The following CBFA2T2 variants were observed in gnomAD, a reference collection of about 807,000 sequenced individuals.
CBFA2T2 encodes CBFA2/RUNX1 partner transcriptional co-repressor 2.
Under a neutral mutation model 62.2 loss-of-function variants are expected in CBFA2T2, and 11 were observed. That is an observed-to-expected ratio of 0.18 (90% CI 0.11 to 0.29). The LOEUF (loss-of-function observed/expected upper bound fraction) is 0.29, where lower values mean the gene tolerates loss of function less well. CBFA2T2 is among the 10% of genes least tolerant of loss of function. The probability of loss-of-function intolerance (pLI) is 1.00; values close to 1 mark genes in which losing one functional copy is unlikely to be tolerated. For synonymous variants in CBFA2T2, 295 were observed against 287.5 expected (o/e 1.03, Z -0.27); for missense variants, 592 against 774.1 (o/e 0.76, Z 2.79).
rs1272822694 is a variant in CBFA2T2 at position 33,624,956 on chromosome 20, G to A, written c.885G>A (p.Leu295=). The change falls in exon 6 of 11, where the codon CTG becomes CTA. Residue 295 remains leucine, a synonymous_variant. Coordinates refer to ENST00000342704, the MANE Select transcript of CBFA2T2 (RefSeq NM_001032999.3). ...YTLEDIATSH[L]YREPNKMLEH... is the part of the protein sequence containing the mutation. ...TAGAGGATATTGCAACTTCTCACCT[G>A]TATCGGGAACCCAACAAGATGCTAG... 2 of 1,614,120 alleles carry A rather than the reference G, an allele frequency of 1.2e-6. No individual in the cohort carries two copies. Among genetic ancestry groups the A allele is most frequent in the African/African-American group, 1.3e-5 (1 of 75,020 alleles).
chr20:33,603,767 G>T (rs1420299653), intron 1 of CBFA2T2, among the ~76,000 whole-genome samples: 1 of 152,114 alleles, frequency 6.6e-6, no homozygotes, highest in Non-Finnish European at 1.5e-5. Context: ...TCAATATATG[G>T]TTGATTCTTT....
chr20:33,591,467 CAAAA>C (rs11475752), intron 1 of CBFA2T2, among the ~76,000 whole-genome samples: 1 of 98,076 alleles, frequency 1.0e-5, no homozygotes, highest in Admixed American at 1.0e-4. Context: ...GAGTAAATCT[CAAAA>C]AAAAAAAAAA....
intron 1 of CBFA2T2, among the ~76,000 whole-genome samples, chr20:33,596,314 G>C (rs1354662854): frequency 6.6e-6 from 1 of 152,076 alleles, no homozygotes; most frequent in Non-Finnish European, 1.5e-5. Flanking sequence ...TAATATACTT[G>C]TTCTCACCTT....
chr20:33,632,737 G>A (rs1008689472), intron 8 of CBFA2T2, among the ~76,000 whole-genome samples: 8 of 149,668 alleles, frequency 5.3e-5, no homozygotes, highest in African/African-American at 1.2e-4. Context: ...ATGAGCCACC[G>A]TGCCCGGCCT....
chr20:33,594,393 T>C (rs2014797227), intron 1 of CBFA2T2, among the ~76,000 whole-genome samples: 2 of 152,086 alleles, frequency 1.3e-5, no homozygotes, highest in South Asian at 4.1e-4. Context: ...GTCTAATTTT[T>C]ATGTTTTTAG....
At chr20:33,636,507 C>T in intron 8 of CBFA2T2, 133 bp from the exon 9 acceptor site, 5 of 623,048 alleles carry the variant, frequency 8.0e-6, no homozygotes, top group Admixed American at 2.7e-5. Context: ...GTTTTTAGCC[C>T]TTATATGAGA....
intron 1 of CBFA2T2, among the ~76,000 whole-genome samples, chr20:33,583,297 C>CTACA (rs2014202307): frequency 6.6e-6 from 1 of 152,222 alleles, no homozygotes; most frequent in African/African-American, 2.4e-5. Context: ...GTAGTCATTA[C>CTACA]TACAAAGTTG....
intron 1 of CBFA2T2, among the ~76,000 whole-genome samples, chr20:33,539,574 T>A (rs1320791607): frequency 6.6e-6 from 1 of 152,208 alleles, no homozygotes; most frequent in African/African-American, 2.4e-5. Flanking sequence ...ATGCCTACCA[T>A]AAATGTATTA....
Position 33,556,599 on chromosome 20 carries a change from A to G in CBFA2T2, c.35-50357A>G, listed in dbSNP as rs532208457. 3.3e-5 allele frequency among the ~76,000 whole-genome samples: 5 copies of G among 152,044 alleles called. No homozygotes were observed. In the East Asian group the frequency reaches 9.7e-4, roughly 29 times the overall value. The stretch of plus-strand genomic sequence containing the variant: ...TCTAGTGGTGATTTTCTTTTTTCTA[A>G]TTTTTAATTTTTTTTTGTAGAGACA... On this transcript the variant is annotated intron_variant, in intron 1 of 10. Transcript: ENST00000342704.
intron 1 of CBFA2T2, among the ~76,000 whole-genome samples, chr20:33,598,077 A>G (rs2014965610): frequency 2.0e-5 from 3 of 152,152 alleles, no homozygotes; most frequent in Admixed American, 2.0e-4. Context: ...ACAGACATCA[A>G]GTACTTTACA....
chr20:33,552,936 C>T (rs1409015642), intron 1 of CBFA2T2, among the ~76,000 whole-genome samples: 1 of 152,198 alleles, frequency 6.6e-6, no homozygotes, highest in Non-Finnish European at 1.5e-5. Flanking sequence ...TCTACTTCTC[C>T]TCTGTCAAAT....
intron 1 of CBFA2T2, among the ~76,000 whole-genome samples, chr20:33,551,010 A>G (rs967126550): frequency 6.6e-6 from 1 of 152,102 alleles, no homozygotes; most frequent in Non-Finnish European, 1.5e-5. Flanking sequence ...TTCAGGAATC[A>G]TTGCTCCTAA....
intron 1 of CBFA2T2, among the ~76,000 whole-genome samples, chr20:33,519,624 ACT>A (rs2011676273): frequency 6.6e-6 from 1 of 151,956 alleles, no homozygotes; most frequent in Non-Finnish European, 1.5e-5. Context: ...CTCAGGGACA[ACT>A]CTGTGTATGG....
intron 1 of CBFA2T2, among the ~76,000 whole-genome samples, chr20:33,596,643 C>G (rs2014904709): frequency 6.6e-6 from 1 of 152,064 alleles, no homozygotes; most frequent in Non-Finnish European, 1.5e-5. Flanking sequence ...AGTAAGATAC[C>G]TGTTCTCAGG....
chr20:33,598,182 T>C (rs1333404534), intron 1 of CBFA2T2, among the ~76,000 whole-genome samples: 1 of 152,162 alleles, frequency 6.6e-6, no homozygotes, highest in Non-Finnish European at 1.5e-5. Flanking sequence ...GTTAGCACCA[T>C]TGTCATTGAT....
At chr20:33,617,229 ATC>A (rs1418684017) in intron 3 of CBFA2T2, among the ~76,000 whole-genome samples, 1 of 149,120 alleles carries the variant, frequency 6.7e-6, no homozygotes, top group Non-Finnish European at 1.5e-5. Flanking sequence ...GCTAGACCCT[ATC>A]TCTGAAAAAA....
intron 1 of CBFA2T2, among the ~76,000 whole-genome samples, chr20:33,591,685 TTAAAA>T (rs1446406064): frequency 6.6e-6 from 1 of 152,132 alleles, no homozygotes; most frequent in South Asian, 2.1e-4. Flanking sequence ...TAGAATATAA[TTAAAA>T]TGCAAAAGTT....
chr20:33,590,914 C>T lies in CBFA2T2; in HGVS notation c.35-16042C>T, dbSNP rs907653053. ...ATGAGGGCAGGTGCAGTGGCTCTCG[C>T]TTGTAATCCGAGCACTTTGGGAGGC... On this transcript the variant is annotated intron_variant, in intron 1 of 10. Transcript: ENST00000342704. Among the ~76,000 whole-genome samples, 31 of 152,108 alleles carry T rather than the reference C, an allele frequency of 2.0e-4. 1 individual carries two copies. Among genetic ancestry groups the T allele is most frequent in the Non-Finnish European group, 1.5e-5 (1 of 68,020 alleles).
intron 1 of CBFA2T2, among the ~76,000 whole-genome samples, chr20:33,532,378 C>T (rs2012085997): frequency 2.6e-5 from 4 of 152,148 alleles, no homozygotes; most frequent in South Asian, 2.1e-4. Context: ...ACAGCAGAAA[C>T]GTTGGGCAAG....
Sources: gnomAD v4.1 joint callset for allele counts (sites outside exome capture counted in the v4.1 genomes callset) on GRCh38, gnomAD v4.1.1 for gene constraint, MANE v1.5 for transcripts, NCBI Gene and HGNC (gene_info 2026-07-23, HGNC 2026-07-21) for gene names.